The following CTNNAL1 variants were observed in gnomAD, a reference collection of about 807,000 sequenced individuals.
The protein encoded by CTNNAL1 is catenin alpha like 1, also known as alpha-catulin.
In CTNNAL1, 69 loss-of-function variants were observed where a neutral mutation model predicts 93.6. The observed-to-expected ratio is 0.74, with a 90% confidence interval of 0.61 to 0.90. The LOEUF (loss-of-function observed/expected upper bound fraction) is 0.90, where lower values mean the gene tolerates loss of function less well. CTNNAL1 is among the 40% of genes least tolerant of loss of function. CTNNAL1 has a pLI of 0.00. For missense variants in CTNNAL1, 836 were observed against 862.0 expected, an observed-to-expected ratio of 0.97 and a Z score of 0.38; for synonymous variants, 286 against 305.4, an observed-to-expected ratio of 0.94 and a Z score of 0.66.
intron 1 of CTNNAL1, among the ~76,000 whole-genome samples, chr9:109,011,562 TTA>T (rs1827204176): frequency 6.6e-6 from 1 of 152,230 alleles, no homozygotes; most frequent in African/African-American, 2.4e-5. Context: ...TTTCTCCAGA[TTA>T]TGACTTTCTA....
intron 1 of CTNNAL1, among the ~76,000 whole-genome samples, chr9:109,010,367 T>G (rs550194991): frequency 6.6e-6 from 1 of 152,352 alleles, no homozygotes; most frequent in African/African-American, 2.4e-5. Context: ...TTTCCTATAT[T>G]TATTCCTTTT....
intron 11 of CTNNAL1, among the ~76,000 whole-genome samples, chr9:108,956,711 T>C (rs999028439): frequency 3.9e-5 from 6 of 152,232 alleles, no homozygotes. Flanking sequence ...AGAATGACTA[T>C]TACAGGAAAT....
intron 1 of CTNNAL1, among the ~76,000 whole-genome samples, chr9:109,009,813 C>T (rs1190037438): frequency 3.3e-5 from 5 of 152,174 alleles, no homozygotes; most frequent in African/African-American, 1.2e-4. Context: ...TAGGCTTGAA[C>T]ACAGTACTTT....
intron 12 of CTNNAL1, among the ~76,000 whole-genome samples, chr9:108,953,916 T>C (rs949829464): frequency 6.6e-6 from 1 of 152,172 alleles, no homozygotes; most frequent in Non-Finnish European, 1.5e-5. Flanking sequence ...ATCATCTTTA[T>C]CTCCATCCTT....
At chr9:108,992,535 C>T (rs932873864) in intron 3 of CTNNAL1, 97 bp downstream of exon 3, 22 of 1,404,730 alleles carry the variant, frequency 1.6e-5, no homozygotes, top group African/African-American at 7.3e-5. Context: ...CATTCTTCAT[C>T]GACACACAAG....
chr9:108,971,469 G>A (rs183004169), intron 9 of CTNNAL1, among the ~76,000 whole-genome samples: 104 of 152,262 alleles, frequency 6.8e-4, no homozygotes, highest in Non-Finnish European at 1.0e-4. Context: ...TGTCAAAGGC[G>A]GGACCAGGTG....
Position 108,943,712 on chromosome 9 carries a change from T to G in CTNNAL1, c.2046A>C (p.Val682=), listed in dbSNP as rs1035182236. The change falls in exon 17 of 19, where the codon GTA becomes GTC. Residue 682 remains valine (V), a synonymous_variant. Coordinates refer to ENST00000325551, the MANE Select transcript of CTNNAL1 (RefSeq NM_003798.4). Reference sequence around the variant, plus strand: ...CATATGTCTCTTTTACCTTTAGAAATACTTTATTCTGCAAAGAAGTCTTAG... The same window carrying G: ...CATATGTCTCTTTTACCTTTAGAAAGACTTTATTCTGCAAAGAAGTCTTAG... ...TVTKTSLQNK[V]FLKVDKCITK... 1 of 1,609,412 alleles carries G rather than the reference T, an allele frequency of 6.2e-7. No individual in the cohort carries two copies. Among genetic ancestry groups the G allele is most frequent in the African/African-American group, 1.3e-5 (1 of 74,594 alleles).
chr9:108,980,116 G>A (rs557055452), intron 6 of CTNNAL1, among the ~76,000 whole-genome samples: 36 of 152,308 alleles, frequency 2.4e-4, no homozygotes, highest in African/African-American at 7.9e-4. Context: ...GCCATCTATA[G>A]AGAATCAAGC....
At chr9:108,990,220 T>C (rs1333464107) in intron 4 of CTNNAL1, among the ~76,000 whole-genome samples, 2 of 152,188 alleles carry the variant, frequency 1.3e-5, no homozygotes, top group African/African-American at 2.4e-5. Context: ...TAGTTAACAA[T>C]ACCTACCTCA....
At chr9:108,956,038 A>G (rs1830681274) in intron 11 of CTNNAL1, among the ~76,000 whole-genome samples, 1 of 152,224 alleles carries the variant, frequency 6.6e-6, no homozygotes, top group Non-Finnish European at 1.5e-5. Context: ...TAAGGTACCT[A>G]TGCTGGTCAA....
At chr9:108,958,114 A>G (rs1459490021) in intron 11 of CTNNAL1, among the ~76,000 whole-genome samples, 1 of 151,678 alleles carries the variant, frequency 6.6e-6, no homozygotes, top group Non-Finnish European at 1.5e-5. Context: ...AAATAAATAA[A>G]TAATAAAGAA....
intron 15 of CTNNAL1, among the ~76,000 whole-genome samples, chr9:108,945,365 C>T (rs1830369122): frequency 6.6e-6 from 1 of 152,032 alleles, no homozygotes; most frequent in Non-Finnish European, 1.5e-5. Context: ...CTAAGTAAAT[C>T]GCAGTTATAC....
chr9:109,002,917 T>G (rs1826892187), intron 1 of CTNNAL1, among the ~76,000 whole-genome samples: 1 of 151,902 alleles, frequency 6.6e-6, no homozygotes, highest in South Asian at 2.1e-4. Context: ...CGCTTGAATC[T>G]GGGAGGTAGA....
chr9:108,961,525 C>A (rs1242489958), intron 11 of CTNNAL1, among the ~76,000 whole-genome samples: 1 of 152,134 alleles, frequency 6.6e-6, no homozygotes, highest in Non-Finnish European at 1.5e-5. Flanking sequence ...AAGGCTGAGG[C>A]GTTTCCCACG....
chr9:108,945,887 G>C (rs141895104), intron 15 of CTNNAL1, among the ~76,000 whole-genome samples: 9 of 152,260 alleles, frequency 5.9e-5, no homozygotes, highest in African/African-American at 1.9e-4. Context: ...TACTTAACAT[G>C]TGCAAAACAA....
At chr9:108,986,277 G>A (rs1214732309) in intron 4 of CTNNAL1, among the ~76,000 whole-genome samples, 4 of 150,542 alleles carry the variant, frequency 2.7e-5, no homozygotes, top group Non-Finnish European at 4.4e-5. Flanking sequence ...AACATGCAGT[G>A]TTTGGTTTTT....
chr9:108,956,847 T>C (rs1830699741), intron 11 of CTNNAL1, among the ~76,000 whole-genome samples: 2 of 152,106 alleles, frequency 1.3e-5, no homozygotes, highest in African/African-American at 4.8e-5. Context: ...GGCTAGTCTG[T>C]ACTGAGATGT....
intron 10 of CTNNAL1, among the ~76,000 whole-genome samples, chr9:108,966,737 T>TC (rs5899830): frequency 0.93 from 141,824 of 152,248 alleles, 66,152 homozygotes; most frequent in East Asian, 1. Context: ...AATTAATGAA[T>TC]AACTAACATT....
intron 8 of CTNNAL1, among the ~76,000 whole-genome samples, chr9:108,973,879 G>C (rs762057693): frequency 1.3e-5 from 2 of 152,070 alleles, no homozygotes; most frequent in Non-Finnish European, 2.9e-5. Flanking sequence ...GATACCCTCT[G>C]CATTCATGCA....
Sources: allele counts gnomAD v4.1 joint callset (sites outside exome capture counted in the v4.1 genomes callset), GRCh38; gene constraint gnomAD v4.1.1; transcripts MANE v1.5; gene names NCBI Gene and HGNC (gene_info 2026-07-23, HGNC 2026-07-21).